Variants in TTC23L observed in about 807,000 individuals in gnomAD.
The protein encoded by TTC23L is tetratricopeptide repeat protein 23-like.
TTC23L carries 42 observed loss-of-function variants against 48.1 expected under a neutral mutation model. The ratio of observed to expected loss-of-function variants is 0.87; its 90% CI spans 0.68 to 1.13. TTC23L has a LOEUF of 1.13. Among genes scored for constraint, TTC23L ranks in the 50% most tolerant of loss-of-function variants. The pLI, the probability that TTC23L is intolerant of heterozygous loss-of-function variation, is 0.00. For synonymous variants in TTC23L, 159 were observed against 157.2 expected (o/e 1.01, Z -0.09); for missense variants, 391 against 421.0 (o/e 0.93, Z 0.62).
At chr5:34,882,617 C>CCA (rs1762292329) in intron 9 of TTC23L, among the ~76,000 whole-genome samples, 1 of 64,194 alleles carries the variant, frequency 1.6e-5, no homozygotes, top group South Asian at 8.6e-4. Context: ...TTCCCATGGA[C>CCA]TACACACACA....
Position 34,863,112 on chromosome 5 carries a change from A to G in TTC23L, c.536+58A>G. Reference sequence around the variant, plus strand: ...CGGGGCCACAGGCCACACATGCCAGATGGGTCATCTCATACAGGAGGGTGG... The same window carrying G: ...CGGGGCCACAGGCCACACATGCCAGGTGGGTCATCTCATACAGGAGGGTGG... On this transcript the variant is annotated intron_variant, in intron 5 of 10. Coordinates refer to ENST00000505624, the Ensembl canonical transcript of TTC23L. The surrounding 1 kb of genome is among the most constrained non-coding windows in gnomAD (Gnocchi z 4.1). 1 of 1,603,918 alleles carries G rather than the reference A, an allele frequency of 6.2e-7. No homozygotes were observed. Among genetic ancestry groups the G allele is most frequent in the Non-Finnish European group, 8.5e-7 (1 of 1,173,922 alleles).
chr5:34,848,471 C>T (rs778484451), intron 3 of TTC23L, among the ~76,000 whole-genome samples: 2 of 152,120 alleles, frequency 1.3e-5, no homozygotes, highest in Non-Finnish European at 2.9e-5. Context: ...AGGGACTTAT[C>T]TTCTATTTGG....
chr5:34,891,707 C>T (rs756391186), intron 9 of TTC23L, among the ~76,000 whole-genome samples: 1 of 152,122 alleles, frequency 6.6e-6, no homozygotes, highest in African/African-American at 2.4e-5. Context: ...CAAAACTGAA[C>T]AGAAGTTCTA....
downstream of TTC23L, among the ~76,000 whole-genome samples, chr5:34,901,941 T>G (rs1314406905): frequency 2.0e-5 from 3 of 152,214 alleles, no homozygotes; most frequent in Non-Finnish European, 2.9e-5. Context: ...GAATACTCAC[T>G]GTGGTTGTTT....
In TTC23L at chr5:34,883,469, C is replaced by T. The variant is rs1012255566; in HGVS notation, c.1077+3161C>T. ...CCAACCTACTTCATCCAGGGAAGCA[C>T]ACTTTGTGAGAACTAATGGGAAAGA... On this transcript the variant is annotated intron_variant, in intron 9 of 10. Coordinates refer to ENST00000505624, the Ensembl canonical transcript of TTC23L. 4 of 167,972 alleles carry T rather than the reference C, an allele frequency of 2.4e-5. No homozygotes were observed. The East Asian group carries it at 6.0e-4, about 25-fold the overall frequency. The allele number at this position is 167,972 out of a possible 1,614,324, so 10.4% of individuals were successfully genotyped here.
At chr5:34,915,500 G>T in the TTC23L span, 3 of 448,854 alleles carry the variant, frequency 6.7e-6, no homozygotes, top group African/African-American at 2.0e-5. Flanking sequence ...AACCGCGGAG[G>T]AAGTGAAGCC....
chr5:34,892,315 T>C (rs551277672), intron 9 of TTC23L, among the ~76,000 whole-genome samples: 135 of 152,292 alleles, frequency 8.9e-4, no homozygotes, highest in African/African-American at 3.2e-3. Context: ...AAAGTAGAAA[T>C]GGCTCCTTGA....
At chr5:34,878,507 C>T (rs149072992) in intron 8 of TTC23L, among the ~76,000 whole-genome samples, 10 of 152,210 alleles carry the variant, frequency 6.6e-5, no homozygotes, top group African/African-American at 2.2e-4. Flanking sequence ...TGGATATTAG[C>T]AAATTGATTC....
In TTC23L at chr5:34,868,984, A is replaced by T. The variant is rs371389686; in HGVS notation, c.920A>T (p.Tyr307Phe). Residue 307 changes from tyrosine to phenylalanine, a missense_variant, in exon 8 of 11, where the codon TAT becomes TTT. Tyr to Phe is a conservative substitution (Grantham distance 22, BLOSUM62 3). Coordinates refer to ENST00000505624, the Ensembl canonical transcript of TTC23L. The stretch of plus-strand genomic sequence containing the variant: ...ATGAGTGCGTTACTGGCCAAAGCTT[A>T]TGCCATGTCTGGAGAGGCCCAGCAC... 2.4e-5 allele frequency: 39 copies of T among 1,609,832 alleles called. No homozygotes were observed. Among genetic ancestry groups the T allele is most frequent in the Middle Eastern group, 3.3e-4 (2 of 6,074 alleles).
chr5:34,867,564 C>T (rs1348880163), intron 7 of TTC23L: 4 of 161,590 alleles, frequency 2.5e-5, no homozygotes, highest in East Asian at 1.8e-4. Flanking sequence ...GACAAATGCC[C>T]GGGGGAAAAC....
At chr5:34,868,687 C>T (rs10461949) in intron 7 of TTC23L, 152,729 of 453,050 alleles carry the variant, frequency 0.34, 27,386 homozygotes, top group South Asian at 0.47. Flanking sequence ...ACGTGATGAG[C>T]ACCGTGCCCT....
rs553625740 is a variant in TTC23L, at chr5:34,877,684, A to G, written c.950-2497A>G. Among the ~76,000 whole-genome samples, 18 of 152,260 alleles carry G rather than the reference A, an allele frequency of 1.2e-4. No homozygotes were observed. In the South Asian group the frequency reaches 2.9e-3, roughly 25 times the overall value. Reference sequence around the variant, plus strand: ...GGTGATCCACCCACCTCGGCCTCCCAAAGTGCTGGGATAACAGGTGTGATC... The same window carrying G: ...GGTGATCCACCCACCTCGGCCTCCCGAAGTGCTGGGATAACAGGTGTGATC... On this transcript the variant is annotated intron_variant, in intron 8 of 10. Transcript: ENST00000505624.
chr5:34,905,393 C>A, the TTC23L span: 3 of 152,160 alleles, frequency 2.0e-5, no homozygotes, highest in Admixed American at 2.0e-4. Context: ...ACATTCTGCC[C>A]TTTTAGCAAT....
chr5:34,906,633 T>G, the TTC23L span: 1 of 152,070 alleles, frequency 6.6e-6, no homozygotes, highest in Non-Finnish European at 1.5e-5. Flanking sequence ...AGCAAGATCT[T>G]GTCTCCAAAA....
chr5:34,866,851 G>A (rs1184728619), intron 6 of TTC23L, 41 bp from the exon 7 acceptor site: 2 of 1,507,084 alleles, frequency 1.3e-6, no homozygotes, highest in East Asian at 2.4e-5. Flanking sequence ...CAAAGTAAGT[G>A]GCCTCTCTGT....
intron 9 of TTC23L, among the ~76,000 whole-genome samples, chr5:34,885,012 A>C (rs1762461512): frequency 6.6e-6 from 1 of 152,232 alleles, no homozygotes; most frequent in Non-Finnish European, 1.5e-5. Flanking sequence ...ACAGTTCTTG[A>C]GGGAGCCAGC....
intron 9 of TTC23L, among the ~76,000 whole-genome samples, chr5:34,891,959 TCCATATAAGGGGAAAAGA>T (rs1359763664): frequency 1.9e-4 from 29 of 152,192 alleles, no homozygotes; most frequent in African/African-American, 6.0e-4. Flanking sequence ...ACCAAGAAAG[TCCATATAAGGGGAAAAGA>T]AGAGTCTTTT....
intron 4 of TTC23L, among the ~76,000 whole-genome samples, chr5:34,856,554 G>A (rs1760144630): frequency 1.3e-5 from 2 of 152,144 alleles, no homozygotes; most frequent in Admixed American, 1.3e-4. Context: ...AACTAAAGAG[G>A]GGAAATGGTA....
intron 8 of TTC23L, among the ~76,000 whole-genome samples, chr5:34,874,700 G>A (rs1033976048): frequency 6.6e-6 from 1 of 151,492 alleles, no homozygotes; most frequent in African/African-American, 2.4e-5. Flanking sequence ...TCCAGCCTAC[G>A]AGACAGAATG....
Sources: gnomAD v4.1 joint callset for allele counts (sites outside exome capture counted in the v4.1 genomes callset) on GRCh38, gnomAD v4.1.1 for gene constraint, Gnocchi (gnomAD v3.1) non-coding constraint, MANE v1.5 for transcripts, NCBI Gene and HGNC (gene_info 2026-07-23, HGNC 2026-07-21) for gene names.